The following GATAD2B variants were observed in gnomAD, a reference collection of about 807,000 sequenced individuals.
GATAD2B encodes transcriptional repressor p66-beta.
In GATAD2B, 8 loss-of-function variants were observed where a neutral mutation model predicts 64.3. The ratio of observed to expected loss-of-function variants is 0.12; its 90% CI spans 0.07 to 0.22. The LOEUF is 0.22. Ranked by LOEUF, GATAD2B falls within the 10% of genes least tolerant of loss-of-function variation. The probability of loss-of-function intolerance (pLI) is 1.00; values close to 1 mark genes in which losing one functional copy is unlikely to be tolerated. For missense variants in GATAD2B, 453 were observed against 752.0 expected (o/e 0.60, Z 4.65); for synonymous variants, 281 against 271.3 (o/e 1.04, Z -0.35).
chr1:153,817,646 T>C lies in GATAD2B; in HGVS notation c.730-104A>G, dbSNP rs989693313. 7.0e-6 allele frequency: 5 copies of C among 718,438 alleles called. No homozygotes were observed. In the East Asian group the frequency reaches 9.1e-5, roughly 13 times the overall value. The allele number at this position is 718,438 out of a possible 1,614,324, so 44.5% of individuals were successfully genotyped here. On this transcript the variant is annotated intron_variant, in intron 5 of 10. Transcript: ENST00000368655. ...ACACTGCCTATAATACATAGCTAAG[T>C]AGAAACACAGGAACACAGCCAGACT...
intron 2 of GATAD2B, among the ~76,000 whole-genome samples, chr1:153,822,033 TAG>T (rs1474402259): frequency 6.6e-6 from 1 of 151,744 alleles, no homozygotes; most frequent in Non-Finnish European, 1.5e-5. Flanking sequence ...ATACAAAAAT[TAG>T]CCGGGCATGG....
chr1:153,867,003 C>G (rs1201187220), intron 1 of GATAD2B, among the ~76,000 whole-genome samples: 1 of 152,112 alleles, frequency 6.6e-6, no homozygotes, highest in African/African-American at 2.4e-5. Flanking sequence ...TGGTCTTGAT[C>G]TCCTGATCTA....
At chr1:153,862,104 A>C (rs998815880) in intron 1 of GATAD2B, among the ~76,000 whole-genome samples, 2 of 146,752 alleles carry the variant, frequency 1.4e-5, no homozygotes, top group Non-Finnish European at 3.0e-5. Context: ...AACGTATTTT[A>C]CATACATTAT....
chr1:153,871,256 G>A (rs1195514521), intron 1 of GATAD2B, among the ~76,000 whole-genome samples: 2 of 152,042 alleles, frequency 1.3e-5, no homozygotes, highest in African/African-American at 4.8e-5. Flanking sequence ...TAATAGAGAC[G>A]GGGTTTCACT....
chr1:153,840,620 A>G (rs1042802496), intron 1 of GATAD2B, among the ~76,000 whole-genome samples: 1 of 152,248 alleles, frequency 6.6e-6, no homozygotes, highest in African/African-American at 2.4e-5. Context: ...TACAGGTGTG[A>G]GCCACTGGGC....
rs1397286813 is a variant in GATAD2B at position 153,905,217 on chromosome 1, TACAA to T, written c.-2+17512_-2+17515del. Reference sequence around the variant, plus strand: ...GGTGAAACTCCGTCTCTAATAAAAATACAAACAATTAGCCGGGCGTGGTGGCAGG... The same window carrying T: ...GGTGAAACTCCGTCTCTAATAAAAATACAATTAGCCGGGCGTGGTGGCAGG... On this transcript the variant is annotated intron_variant, in intron 1 of 10. Coordinates refer to ENST00000368655, the MANE Select transcript of GATAD2B (RefSeq NM_020699.4). 3.9e-5 allele frequency among the ~76,000 whole-genome samples: 6 copies of T among 151,910 alleles called. No homozygotes were observed. The South Asian group carries it at 1.0e-3, about 26-fold the overall frequency.
intron 1 of GATAD2B, among the ~76,000 whole-genome samples, chr1:153,868,737 A>AC (rs1231386183): frequency 6.7e-6 from 1 of 148,814 alleles, no homozygotes. Flanking sequence ...TATACTATAT[A>AC]CTTTTTTTTT....
chr1:153,867,460 G>T (rs1448757270), intron 1 of GATAD2B, among the ~76,000 whole-genome samples: 1 of 151,946 alleles, frequency 6.6e-6, no homozygotes, highest in Non-Finnish European at 1.5e-5. Flanking sequence ...AGTGAGCTAT[G>T]ATTGCACCAT....
At chr1:153,905,176 C>T (rs920528364) in intron 1 of GATAD2B, among the ~76,000 whole-genome samples, 35 of 152,012 alleles carry the variant, frequency 2.3e-4, no homozygotes, top group African/African-American at 8.5e-4. Context: ...AGAAAAATAC[C>T]CAGCCTGACC....
At chr1:153,885,972 A>G (rs1333763152) in intron 1 of GATAD2B, among the ~76,000 whole-genome samples, 2 of 152,216 alleles carry the variant, frequency 1.3e-5, no homozygotes, top group African/African-American at 4.8e-5. Context: ...AGAATAGCAT[A>G]AGAAAAGAGG....
chr1:153,888,009 C>T (rs914629365), intron 1 of GATAD2B, among the ~76,000 whole-genome samples: 1 of 151,834 alleles, frequency 6.6e-6, no homozygotes, highest in African/African-American at 2.4e-5. Context: ...ATCACTTGAA[C>T]CTGGGAGGCG....
intron 1 of GATAD2B, among the ~76,000 whole-genome samples, chr1:153,844,753 G>A (rs1344154874): frequency 3.9e-5 from 5 of 128,082 alleles, no homozygotes; most frequent in African/African-American, 1.4e-4. Context: ...CACACTCTGG[G>A]GACTGTGGTG....
At chr1:153,853,593 T>C (rs1174044816) in intron 1 of GATAD2B, among the ~76,000 whole-genome samples, 1 of 152,234 alleles carries the variant, frequency 6.6e-6, no homozygotes, top group Admixed American at 6.5e-5. Flanking sequence ...ATTCTGCTGT[T>C]TGCTGTGCAG....
rs9426938 is a variant in GATAD2B at position 153,807,822 on chromosome 1, C to T, written c.*2355G>A. 62,471 of 152,356 alleles carry T rather than the reference C, an allele frequency of 0.41. 13,939 individuals are homozygous for T. Among genetic ancestry groups the T allele is most frequent in the Non-Finnish European group, 0.52 (35,114 of 67,956 alleles). The allele number at this position is 152,356 out of a possible 1,614,324, so 9.4% of individuals were successfully genotyped here. ...TTTAATCTCAACTGACAAACTTGGG[C>T]ATCTCGTACCTCTGAGCACCTCTGA... On this transcript the variant is annotated 3_prime_UTR_variant, in exon 11 of 11. Coordinates refer to ENST00000368655, the MANE Select transcript of GATAD2B (RefSeq NM_020699.4).
rs535060676 is a variant in GATAD2B, at chr1:153,861,758, G to C, written c.-1-33410C>G. On this transcript the variant is annotated intron_variant, in intron 1 of 10. Coordinates refer to ENST00000368655, the MANE Select transcript of GATAD2B (RefSeq NM_020699.4). ...GATCACACCACTGCACTCCAGCCTGGGCAACAGAGCGAGACTCCATTTCAA... is the reference window on the plus strand; with the variant it reads ...GATCACACCACTGCACTCCAGCCTGCGCAACAGAGCGAGACTCCATTTCAA... 1.5e-3 allele frequency among the ~76,000 whole-genome samples: 204 copies of C among 134,458 alleles called. 2 individuals are homozygous for C. The highest frequency in any genetic ancestry group is 5.3e-3 in the African/African-American group (193 of 36,118). 88.2% of individuals were successfully genotyped at this position (134,458 alleles called of 152,430 possible).
In GATAD2B at chr1:153,868,609, C is replaced by T. The variant is rs566237346; in HGVS notation, c.-1-40261G>A. Among the ~76,000 whole-genome samples the T allele has an allele frequency of 5.9e-5, 9 of 152,234 alleles. No individual in the cohort carries two copies. In the East Asian group the frequency reaches 1.7e-3, roughly 29 times the overall value. ...ACAGAAGTTTCAAATATTCTTCACC[C>T]TGCTCCCCTAAATGTTAACATATAA... On this transcript the variant is annotated intron_variant, in intron 1 of 10. Coordinates refer to ENST00000368655, the MANE Select transcript of GATAD2B (RefSeq NM_020699.4).
At chr1:153,818,990 T>A (rs1394652208) in intron 3 of GATAD2B, 68 bp from the exon 4 acceptor site, 2 of 1,499,634 alleles carry the variant, frequency 1.3e-6, no homozygotes, top group African/African-American at 2.8e-5. Context: ...CAAGAGACAA[T>A]CTTTACTTCT....
chr1:153,870,342 G>T (rs539130073), intron 1 of GATAD2B, among the ~76,000 whole-genome samples: 1 of 152,122 alleles, frequency 6.6e-6, no homozygotes, highest in Non-Finnish European at 1.5e-5. Context: ...AGGCCAAGGC[G>T]GGCAGAATCA....
Position 153,918,540 on chromosome 1 carries a change from T to C in GATAD2B, c.-2+4193A>G, listed in dbSNP as rs902460971. On this transcript the variant is annotated intron_variant, in intron 1 of 10. Coordinates refer to ENST00000368655, the MANE Select transcript of GATAD2B (RefSeq NM_020699.4). ...TCCTACTAACATTCCAGCATGTATT[T>C]TTAAAGATTATAAATTCCACCCTCC... Among the ~76,000 whole-genome samples, 48 of 152,214 alleles carry C rather than the reference T, an allele frequency of 3.2e-4. 1 individual carries two copies. The highest frequency in any genetic ancestry group is 3.1e-3 in the Admixed American group (48 of 15,268).
Sources: allele counts gnomAD v4.1 joint callset (sites outside exome capture counted in the v4.1 genomes callset), GRCh38; gene constraint gnomAD v4.1.1; transcripts MANE v1.5; gene names NCBI Gene and HGNC (gene_info 2026-07-23, HGNC 2026-07-21).